Variants in PASD1 observed in about 807,000 individuals in gnomAD.
PASD1 encodes PAS domain containing repressor 1.
PASD1 carries 13 observed loss-of-function variants against 58.8 expected under a neutral mutation model. That is an observed-to-expected ratio of 0.22 (90% CI 0.14 to 0.35). PASD1 has a LOEUF of 0.35. Ranked by LOEUF, PASD1 falls within the 10% of genes least tolerant of loss-of-function variation. The probability of loss-of-function intolerance (pLI) is 1.00; values close to 1 mark genes in which losing one functional copy is unlikely to be tolerated. For synonymous variants in PASD1, 236 were observed against 216.7 expected, an observed-to-expected ratio of 1.09 and a Z score of -0.78; for missense variants, 734 against 568.3, an observed-to-expected ratio of 1.29 and a Z score of -2.96.
At chrX:151,610,928 A>G (rs2013548113) in intron 3 of PASD1, among the ~76,000 whole-genome samples, 1 of 87,550 alleles carries the variant, frequency 1.1e-5, no homozygotes. Context: ...TTACCTGTTG[A>G]AAGTGTCTCC....
chrX:151,605,884 C>T (rs1294239784), intron 3 of PASD1, among the ~76,000 whole-genome samples: 1 of 112,215 alleles, frequency 8.9e-6, no homozygotes, highest in African/African-American at 3.2e-5. Flanking sequence ...CTGCACCTGA[C>T]TCTCTCTCAA....
At chrX:151,614,565 A>G (rs1293845187) in intron 4 of PASD1, among the ~76,000 whole-genome samples, 1 of 112,244 alleles carries the variant, frequency 8.9e-6, no homozygotes, top group Non-Finnish European at 1.9e-5. Context: ...AAGAAATTGA[A>G]ACCCCTATTC....
intron 1 of PASD1, among the ~76,000 whole-genome samples, chrX:151,580,120 C>CT (rs2013063285): frequency 1.8e-5 from 2 of 111,753 alleles, no homozygotes; most frequent in South Asian, 3.8e-4. Flanking sequence ...TTTATTTCTC[C>CT]CTCTTAGCTT....
At chrX:151,656,608 C>A (rs1176694818) in intron 9 of PASD1, among the ~76,000 whole-genome samples, 1 of 111,179 alleles carries the variant, frequency 9.0e-6, no homozygotes, top group African/African-American at 3.3e-5. Context: ...GTATTTTATT[C>A]TCTTTGAAGC....
chrX:151,589,807 T>TA (rs1292864527), intron 1 of PASD1, among the ~76,000 whole-genome samples: 1 of 111,629 alleles, frequency 9.0e-6, no homozygotes, highest in Admixed American at 9.5e-5. Flanking sequence ...TTTAAAAATA[T>TA]AAAAAAAATG....
At chrX:151,653,815 C>T (rs868805414) in intron 9 of PASD1, among the ~76,000 whole-genome samples, 85 of 18,930 alleles carry the variant, frequency 4.5e-3, no homozygotes, top group African/African-American at 8.1e-3. Context: ...TCCTTCCTTC[C>T]TTCCTTCCTT....
chrX:151,609,903 G>T (rs2013534410), intron 3 of PASD1, among the ~76,000 whole-genome samples: 1 of 109,313 alleles, frequency 9.1e-6, no homozygotes, highest in African/African-American at 3.3e-5. Context: ...GTTTTCTATA[G>T]CAGCTTTGTC....
At chrX:151,637,866 C>T in intron 8 of PASD1, among the ~76,000 whole-genome samples, 1 of 111,637 alleles carries the variant, frequency 9.0e-6, no homozygotes. Flanking sequence ...GAATCTTTTG[C>T]CTAATTTTAA....
intron 1 of PASD1, among the ~76,000 whole-genome samples, chrX:151,599,700 G>A (rs1359612516): frequency 1.9e-5 from 2 of 103,324 alleles, no homozygotes; most frequent in Non-Finnish European, 4.0e-5. Context: ...CCACATCCCA[G>A]ACAATGGGCG....
At chrX:151,622,586 T>TACACACACAC (rs202044764) in intron 6 of PASD1, among the ~76,000 whole-genome samples, 6,722 of 96,638 alleles carry the variant, frequency 0.07, 212 homozygotes, top group East Asian at 0.14. Flanking sequence ...GTGCACAGAT[T>TACACACACAC]ACACACACAC....
intron 6 of PASD1, among the ~76,000 whole-genome samples, chrX:151,621,984 G>C (rs1191180205): frequency 9.1e-6 from 1 of 109,444 alleles, no homozygotes; most frequent in Non-Finnish European, 1.9e-5. Flanking sequence ...GTCATGCATA[G>C]GCTCCATTGG....
At chrX:151,647,010 G>T (rs2014069079) in intron 8 of PASD1, among the ~76,000 whole-genome samples, 1 of 112,081 alleles carries the variant, frequency 8.9e-6, no homozygotes, top group Non-Finnish European at 1.9e-5. Context: ...TTTCAGTCTT[G>T]AGTGACTGGG....
rs2013738400 is a variant in PASD1 at position 151,623,041 on chromosome X, A to G, written c.523A>G (p.Ile175Val). 5 of 1,208,218 alleles carry G rather than the reference A, an allele frequency of 4.1e-6. No homozygotes were observed. Among genetic ancestry groups the G allele is most frequent in the African/African-American group, 3.5e-5 (2 of 56,960 alleles). ...DRLYLVGNVC[I>V]LRTQLLQQLY... ...GCTTTATCTTGTGGGAAATGTTTGC[A>G]TTCTCAGGACTCAGCTCCTGCAGGT... Residue 175 changes from isoleucine (I) to valine (V), a missense_variant, in exon 7 of 16, where the codon ATT becomes GTT. Transcript: ENST00000370357.
chrX:151,595,729 A>G (rs996211617), intron 1 of PASD1, among the ~76,000 whole-genome samples: 37 of 109,902 alleles, frequency 3.4e-4, no homozygotes, highest in Admixed American at 9.7e-4. Flanking sequence ...TGTCTCAAAA[A>G]ACACAACAAA....
chrX:151,637,081 T>A (rs1428452148), intron 8 of PASD1, among the ~76,000 whole-genome samples: 2 of 112,532 alleles, frequency 1.8e-5, no homozygotes, highest in Middle Eastern at 4.6e-3. Context: ...CATCAAAAAC[T>A]TTTTACTGAT....
At chrX:151,663,919 G>A (rs56330900) in intron 10 of PASD1, among the ~76,000 whole-genome samples, 200 bp from the exon 11 acceptor site, 19,968 of 111,298 alleles carry the variant, frequency 0.18, 1,651 homozygotes, top group Non-Finnish European at 0.26. Flanking sequence ...TGGAGGGTAG[G>A]CAGTGGTAAC....
chrX:151,575,142 G>A, intron 1 of PASD1, among the ~76,000 whole-genome samples: 1 of 110,367 alleles, frequency 9.1e-6, no homozygotes, highest in Admixed American at 9.7e-5. Context: ...GTGATTGCAG[G>A]GGGCTGGAAT....
chrX:151,621,230 C>G (rs1331062541), intron 5 of PASD1, among the ~76,000 whole-genome samples: 3 of 110,958 alleles, frequency 2.7e-5, no homozygotes, highest in Non-Finnish European at 5.7e-5. Flanking sequence ...CACCACAGAC[C>G]CTGAGTATTG....
chrX:151,645,966 A>G (rs1261221375), intron 8 of PASD1, among the ~76,000 whole-genome samples: 1 of 102,801 alleles, frequency 9.7e-6, no homozygotes, highest in Non-Finnish European at 2.0e-5. Flanking sequence ...GCTGGAGTGC[A>G]TTGGCGTGAT....
Sources: allele counts gnomAD v4.1 joint callset (sites outside exome capture counted in the v4.1 genomes callset), GRCh38; gene constraint gnomAD v4.1.1; transcripts MANE v1.5; gene names NCBI Gene and HGNC (gene_info 2026-07-23, HGNC 2026-07-21).